Variants in HDAC4 observed in about 807,000 individuals in gnomAD.
HDAC4 encodes the protein histone deacetylase A.
In HDAC4, 16 loss-of-function variants were observed where a neutral mutation model predicts 135.1. That is an observed-to-expected ratio of 0.12 (90% CI 0.08 to 0.18). The LOEUF is 0.18. Among genes scored for constraint, HDAC4 ranks in the 10% least tolerant of loss-of-function variants. HDAC4 has a pLI of 1.00. For missense variants in HDAC4, 1,143 were observed against 1,511.8 expected (o/e 0.76, Z 4.05); for synonymous variants, 685 against 653.4 (o/e 1.05, Z -0.74).
intron 7 of HDAC4, among the ~76,000 whole-genome samples, chr2:239,151,272 A>G (rs1251885907): frequency 6.6e-6 from 1 of 152,258 alleles, no homozygotes; most frequent in Non-Finnish European, 1.5e-5. Context: ...CCATGAAGCC[A>G]TGAAGTGGAT....
At chr2:239,225,741 G>A (rs1203807141) in intron 3 of HDAC4, among the ~76,000 whole-genome samples, 2 of 29,712 alleles carry the variant, frequency 6.7e-5, no homozygotes, top group Non-Finnish European at 1.2e-4. Context: ...CCGTGGCCAC[G>A]TACTGCTACC....
chr2:239,221,231 G>A (rs141081194), intron 3 of HDAC4, among the ~76,000 whole-genome samples: 8 of 152,236 alleles, frequency 5.3e-5, no homozygotes, highest in African/African-American at 1.7e-4. Flanking sequence ...AGCGGACATC[G>A]GCCCGTTCTC....
At chr2:239,145,616 C>T (rs571865680) in intron 7 of HDAC4, among the ~76,000 whole-genome samples, 188 of 152,356 alleles carry the variant, frequency 1.2e-3, no homozygotes, top group Non-Finnish European at 2.3e-3. Flanking sequence ...AATACCGCCA[C>T]GGAGACGTGT....
rs998119437 is a variant in HDAC4, at chr2:239,084,164, G to A, written c.2523C>T (p.Ile841=). The change falls in exon 20 of 27, where the codon ATC becomes ATT. Residue 841 remains isoleucine (I), a synonymous_variant. Coordinates refer to ENST00000543185, the MANE Select transcript of HDAC4 (RefSeq NM_001378414.1). ...QQRLSVSKIL[I]VDWDVHHGNG... ...AGGCGGCTCTGCTTACCCAGTCCAC[G>A]ATGAGGATCTTGCTCACGCTCAACC... 7 of 1,612,646 alleles carry A rather than the reference G, an allele frequency of 4.3e-6. No homozygotes were observed. In the African/African-American group the frequency reaches 5.3e-5, roughly 12 times the overall value.
intron 1 of HDAC4, among the ~76,000 whole-genome samples, chr2:239,366,045 G>C (rs1694184483): frequency 6.6e-6 from 1 of 150,404 alleles, no homozygotes; most frequent in African/African-American, 2.5e-5. Flanking sequence ...GGGTCGTCAG[G>C]GTCACGCGTG....
At chr2:239,208,643 T>C (rs1430562513) in intron 3 of HDAC4, among the ~76,000 whole-genome samples, 6 of 152,116 alleles carry the variant, frequency 3.9e-5, no homozygotes. Flanking sequence ...CTACAGATAC[T>C]GAGCTCCTCC....
chr2:239,116,151 C>A (rs2152812939), intron 12 of HDAC4, among the ~76,000 whole-genome samples: 1 of 152,292 alleles, frequency 6.6e-6, no homozygotes, highest in Admixed American at 6.5e-5. Context: ...CTTGGTTTGT[C>A]CTGGGCCTGC....
chr2:239,214,697 T>A (rs183704031), intron 3 of HDAC4, among the ~76,000 whole-genome samples: 1 of 152,330 alleles, frequency 6.6e-6, no homozygotes, highest in African/African-American at 2.4e-5. Flanking sequence ...AGAGGTATAT[T>A]TTACACTCTG....
At chr2:239,066,306 G>A (rs546161907) in intron 24 of HDAC4, among the ~76,000 whole-genome samples, 1 of 152,182 alleles carries the variant, frequency 6.6e-6, no homozygotes. Flanking sequence ...GCCCCAGCCT[G>A]CCTTGGGGCC....
Position 239,106,739 on chromosome 2 carries a change from A to G in HDAC4, c.2112+1311T>C, listed in dbSNP as rs1371557194. 4.3e-5 allele frequency among the ~76,000 whole-genome samples: 3 copies of G among 70,546 alleles called. No individual in the cohort carries two copies. The East Asian group carries it at 2.1e-3, about 50-fold the overall frequency. The allele number at this position is 70,546 out of a possible 152,430, so 46.3% of individuals were successfully genotyped here. On this transcript the variant is annotated intron_variant, in intron 15 of 26. Coordinates refer to ENST00000543185, the MANE Select transcript of HDAC4 (RefSeq NM_001378414.1). ...AGTTCACAAATATCCCAGCTTCTAA[A>G]GGAGGGCAGGCGAACCTGCAGGGCG...
At chr2:239,283,231 G>A (rs1340856272) in intron 2 of HDAC4, among the ~76,000 whole-genome samples, 2 of 152,240 alleles carry the variant, frequency 1.3e-5, no homozygotes, top group African/African-American at 2.4e-5. Context: ...AGGGGCTGGC[G>A]AGTCAAGCTG....
At chr2:239,140,007 T>C (rs1416598703) in intron 8 of HDAC4, among the ~76,000 whole-genome samples, 5 of 152,242 alleles carry the variant, frequency 3.3e-5, no homozygotes, top group African/African-American at 1.2e-4. Flanking sequence ...CTTCACTTTT[T>C]CTAGGACATG....
At chr2:239,382,737 T>C (rs7580301) in intron 1 of HDAC4, among the ~76,000 whole-genome samples, 6,411 of 152,224 alleles carry the variant, frequency 0.042, 463 homozygotes, top group African/African-American at 0.15. Context: ...TTCTTTTTTT[T>C]TTTTTAGACG....
At chr2:239,211,117 C>T (rs1424257341) in intron 3 of HDAC4, among the ~76,000 whole-genome samples, 1 of 152,216 alleles carries the variant, frequency 6.6e-6, no homozygotes, top group African/African-American at 2.4e-5. Flanking sequence ...AGGGTAAAAT[C>T]ACCTAGCTTT....
At position 239,360,648 on chromosome 2, in the gene HDAC4, C is replaced by T. The variant is rs956065831; in HGVS notation, c.-219-7730G>A. 8.5e-5 allele frequency among the ~76,000 whole-genome samples: 13 copies of T among 152,300 alleles called. No individual in the cohort carries two copies. In the East Asian group the frequency reaches 1.2e-3, roughly 14 times the overall value. ...ATAGGAAGCGGGGGCACCCGAGCTC[C>T]ACCTGGTCCCTTAGGAAAGAGTACT... On this transcript the variant is annotated intron_variant, in intron 1 of 26. Coordinates refer to ENST00000543185, the MANE Select transcript of HDAC4 (RefSeq NM_001378414.1).
At chr2:239,260,617 ACC>A (rs2049301640) in intron 2 of HDAC4, among the ~76,000 whole-genome samples, 1 of 152,126 alleles carries the variant, frequency 6.6e-6, no homozygotes, top group Admixed American at 6.5e-5. Flanking sequence ...TCCTGGGAGT[ACC>A]GCTTCTCTGT....
chr2:239,087,817 G>C (rs547611148), intron 18 of HDAC4, among the ~76,000 whole-genome samples: 2 of 152,176 alleles, frequency 1.3e-5, no homozygotes, highest in South Asian at 2.1e-4. Context: ...CTCCTAAAGA[G>C]GTCTGGGGGC....
At chr2:239,088,572 G>A (rs971651639) in intron 18 of HDAC4, among the ~76,000 whole-genome samples, 27 of 152,240 alleles carry the variant, frequency 1.8e-4, no homozygotes, top group African/African-American at 6.3e-4. Flanking sequence ...CACCTGCGCC[G>A]ATGGTGCTGA....
rs371792033 is a variant in HDAC4 at position 239,134,438 on chromosome 2, C to G, written c.1101G>C (p.Thr367=). The change falls in exon 11 of 27, where the codon ACG becomes ACC. Residue 367 remains threonine, a synonymous_variant. Transcript: ENST00000543185. ...GTCTCTCGGCGTCCTGCTGGCCCGC[C>G]GTGCCCTGGAAAGCACAGCCAGGAT... The part of the protein sequence containing the change: ...GLPATGPSAG[T]AGQQDAERLT... The G allele has an allele frequency of 2.5e-6, 4 of 1,613,408 alleles. No homozygotes were observed. Among genetic ancestry groups the G allele is most frequent in the Non-Finnish European group, 3.4e-6 (4 of 1,179,828 alleles).
Sources: allele counts gnomAD v4.1 joint callset (sites outside exome capture counted in the v4.1 genomes callset), GRCh38; gene constraint gnomAD v4.1.1; transcripts MANE v1.5; gene names NCBI Gene and HGNC (gene_info 2026-07-23, HGNC 2026-07-21).